CEP162: variants seen among roughly 807,000 people sequenced by gnomAD.
CEP162 encodes centrosomal protein 162, also known as centrosomal protein of 162 kDa.
Under a neutral mutation model 169.2 loss-of-function variants are expected in CEP162, and 141 were observed. The observed-to-expected ratio is 0.83, with a 90% CI of 0.73 to 0.96. The LOEUF (loss-of-function observed/expected upper bound fraction) is 0.96. Ranked by LOEUF, CEP162 falls within the 40% of genes least tolerant of loss-of-function variation. The pLI is 0.00. For synonymous variants in CEP162, 540 were observed against 526.4 expected (o/e 1.03, Z -0.35); for missense variants, 1,600 against 1,587.2 (o/e 1.01, Z -0.14).
intron 22 of CEP162, among the ~76,000 whole-genome samples, chr6:84,154,894 G>A (rs994502334): frequency 2.0e-5 from 3 of 152,034 alleles, no homozygotes; most frequent in East Asian, 1.9e-4. Context: ...TCCCCTACCC[G>A]CTGTTCCTAA....
intron 25 of CEP162, among the ~76,000 whole-genome samples, chr6:84,130,545 G>A (rs1051975151): frequency 3.3e-5 from 5 of 152,196 alleles, no homozygotes; most frequent in Non-Finnish European, 7.4e-5. Context: ...ACTTGTTATT[G>A]GTCTATTCAG....
chr6:84,189,282 C>T (rs1487094918), intron 11 of CEP162, among the ~76,000 whole-genome samples: 4 of 152,192 alleles, frequency 2.6e-5, no homozygotes, highest in Non-Finnish European at 5.9e-5. Flanking sequence ...TTGAGGAGCC[C>T]TTCAGCCCCC....
At chr6:84,131,300 G>A (rs1392572756) in intron 25 of CEP162, among the ~76,000 whole-genome samples, 1 of 152,124 alleles carries the variant, frequency 6.6e-6, no homozygotes, top group Non-Finnish European at 1.5e-5. Flanking sequence ...TAAAATAAGT[G>A]TGATGTGCTG....
chr6:84,152,884 T>C lies in CEP162; in HGVS notation c.3290A>G (p.Lys1097Arg), dbSNP rs757026310. The change falls in exon 23 of 27, where the codon AAA becomes AGA. Residue 1097 changes from lysine to arginine, a missense_variant. Lys to Arg is a conservative substitution (Grantham distance 26, BLOSUM62 2). Coordinates refer to ENST00000403245, the MANE Select transcript of CEP162 (RefSeq NM_014895.4). ...LVRLNEELAA[K>R]KREIQDLSKT... ...TGAGAGGTCTTGTATTTCTCTCTTT[T>C]TTGCAGCCAGTTCTTCATTGAGTCT... is the stretch of plus-strand genomic sequence containing the variant. 8 of 1,613,672 alleles carry C rather than the reference T, an allele frequency of 5.0e-6. No individual in the cohort carries two copies. In the African/African-American group the frequency reaches 8.0e-5, roughly 16 times the overall value.
chr6:84,174,060 T>C lies in CEP162; in HGVS notation c.2154A>G (p.Gln718=), dbSNP rs2099531266. ...AGAATTGCCATACCTGTTGATATCC[T>C]TGAAGAAGTGTCTCTTGTTCTTGTA... ...KEIQEQETLL[Q]GYQQENERLY... is the part of the protein sequence containing the mutation. Residue 718 remains glutamine, a synonymous_variant, in exon 16 of 27, where the codon CAA becomes CAG. Coordinates refer to ENST00000403245, the MANE Select transcript of CEP162 (RefSeq NM_014895.4). The C allele has an allele frequency of 1.2e-6, 2 of 1,612,252 alleles. No homozygotes were observed. The highest frequency in any genetic ancestry group is 1.7e-6 in the Non-Finnish European group (2 of 1,179,188).
Position 84,154,383 on chromosome 6 carries a change from T to C in CEP162, c.2994+915A>G, listed in dbSNP as rs758164538. On this transcript the variant is annotated intron_variant, in intron 22 of 26. Coordinates refer to ENST00000403245, the MANE Select transcript of CEP162 (RefSeq NM_014895.4). The stretch of plus-strand genomic sequence containing the variant: ...GTCTATCTATCTATCTATCTACCTA[T>C]CTATCTATCTATCTATGTATCTATC... Among the ~76,000 whole-genome samples the C allele has an allele frequency of 4.6e-3, 646 of 140,900 alleles. 6 individuals are homozygous for C. Among genetic ancestry groups the C allele is most frequent in the African/African-American group, 9.5e-3 (383 of 40,396 alleles). 92.4% of individuals were successfully genotyped at this position (140,900 alleles called of 152,430 possible).
At chr6:84,194,443 A>T (rs2099541247) in intron 10 of CEP162, among the ~76,000 whole-genome samples, 3 of 135,302 alleles carry the variant, frequency 2.2e-5, no homozygotes, top group South Asian at 2.4e-4. Flanking sequence ...CCTGTATTTC[A>T]TTTGAAAAAA....
intron 21 of CEP162, among the ~76,000 whole-genome samples, chr6:84,160,429 G>A (rs945481125): frequency 6.6e-6 from 1 of 152,078 alleles, no homozygotes; most frequent in East Asian, 1.9e-4. Flanking sequence ...CATTTCCCAA[G>A]CATTACCAGC....
In CEP162 at chr6:84,181,592, T is replaced by A. The variant is rs566598861; in HGVS notation, c.1663+3595A>T. Reference sequence around the variant, plus strand: ...AATATGAAATTTAAACATGAAACACTGCAGTATTTGGAACCCACGAAACCT... The same window carrying A: ...AATATGAAATTTAAACATGAAACACAGCAGTATTTGGAACCCACGAAACCT... On this transcript the variant is annotated intron_variant, in intron 13 of 26. Transcript: ENST00000403245. 2.6e-5 allele frequency among the ~76,000 whole-genome samples: 4 copies of A among 152,194 alleles called. No individual in the cohort carries two copies. In the South Asian group the frequency reaches 8.3e-4, roughly 32 times the overall value.
At chr6:84,186,279 T>C (rs1308729774) in intron 12 of CEP162, 53 bp downstream of exon 12, 3 of 1,009,416 alleles carry the variant, frequency 3.0e-6, no homozygotes, top group Non-Finnish European at 4.5e-6. Context: ...CTTATATACT[T>C]TACATAACTT....
intron 11 of CEP162, among the ~76,000 whole-genome samples, chr6:84,187,242 G>A (rs1025182665): frequency 3.9e-5 from 6 of 152,196 alleles, no homozygotes; most frequent in South Asian, 4.1e-4. Flanking sequence ...AAGATACAAC[G>A]TAAGGAAATG....
chr6:84,176,526 G>A (rs1389781878), intron 13 of CEP162, among the ~76,000 whole-genome samples: 1 of 152,104 alleles, frequency 6.6e-6, no homozygotes, highest in African/African-American at 2.4e-5. Context: ...CTTAGGACAA[G>A]GCAGCTAGTA....
At chr6:84,189,389 C>T (rs1195967296) in intron 11 of CEP162, among the ~76,000 whole-genome samples, 1 of 152,154 alleles carries the variant, frequency 6.6e-6, no homozygotes, top group Non-Finnish European at 1.5e-5. Flanking sequence ...GAGCGGGAAC[C>T]GGGGCTGCGT....
At chr6:84,225,160 G>A (rs948853069) in intron 2 of CEP162, among the ~76,000 whole-genome samples, 3 of 152,150 alleles carry the variant, frequency 2.0e-5, no homozygotes, top group Non-Finnish European at 2.9e-5. Flanking sequence ...TATAAATAGA[G>A]TTTTATGCAT....
chr6:84,126,544 T>A, intron 25 of CEP162, 32 bp from the exon 26 acceptor site: 1 of 1,423,800 alleles, frequency 7.0e-7, no homozygotes, highest in Non-Finnish European at 9.4e-7. Flanking sequence ...AATGAAAAAC[T>A]ATAATCACAA....
chr6:84,218,317 G>A (rs909320021), intron 3 of CEP162, among the ~76,000 whole-genome samples: 4 of 152,188 alleles, frequency 2.6e-5, no homozygotes, highest in Admixed American at 1.3e-4. Flanking sequence ...GATGGTGAGC[G>A]TAAGCCTAAG....
chr6:84,149,712 C>T lies in CEP162; in HGVS notation c.3630-9G>A. On this transcript the variant is annotated splice_polypyrimidine_tract_variant and intron_variant, in intron 23 of 26. Coordinates refer to ENST00000403245, the MANE Select transcript of CEP162 (RefSeq NM_014895.4). The stretch of plus-strand genomic sequence containing the variant: ...CAGTATCTTCCTTGACCCTACAGAG[C>T]AAATGAAAGAAAACCACACATAAAA... 7 of 1,476,170 alleles carry T rather than the reference C, an allele frequency of 4.7e-6. No individual in the cohort carries two copies. The highest frequency in any genetic ancestry group is 6.3e-6 in the Non-Finnish European group (7 of 1,109,766). 91.4% of individuals were successfully genotyped at this position (1,476,170 alleles called of 1,614,324 possible).
chr6:84,170,433 T>G (rs2099529659), intron 17 of CEP162, among the ~76,000 whole-genome samples: 1 of 145,798 alleles, frequency 6.9e-6, no homozygotes. Context: ...GCATTACCAC[T>G]GTGCAGATTA....
At chr6:84,211,067 G>A (rs904402241) in intron 6 of CEP162, among the ~76,000 whole-genome samples, 7 of 152,004 alleles carry the variant, frequency 4.6e-5, no homozygotes, top group African/African-American at 1.4e-4. Flanking sequence ...AAAGTGTCAC[G>A]AAACTAAATA....
Sources: allele counts gnomAD v4.1 joint callset (sites outside exome capture counted in the v4.1 genomes callset), GRCh38; gene constraint gnomAD v4.1.1; transcripts MANE v1.5; gene names NCBI Gene and HGNC (gene_info 2026-07-23, HGNC 2026-07-21).